Variants in PRCC observed in about 807,000 individuals in gnomAD.
PRCC encodes proline rich mitotic checkpoint control factor.
A neutral mutation model predicts 44.0 loss-of-function variants in PRCC; 10 were observed. The ratio of observed to expected loss-of-function variants is 0.23; its 90% confidence interval spans 0.14 to 0.39. The LOEUF is 0.39. Among genes scored for constraint, PRCC ranks in the 10% least tolerant of loss-of-function variants. The probability of loss-of-function intolerance (pLI) is 1.00; values close to 1 mark genes in which losing one functional copy is unlikely to be tolerated. For synonymous variants in PRCC, 278 were observed against 259.5 expected (o/e 1.07, Z -0.69); for missense variants, 573 against 624.7 (o/e 0.92, Z 0.88).
intron 1 of PRCC, among the ~76,000 whole-genome samples, chr1:156,781,300 A>C (rs2102760708): frequency 6.6e-6 from 1 of 152,294 alleles, no homozygotes; most frequent in South Asian, 2.1e-4. Context: ...GAAGAGATAA[A>C]TTCAAAAAGG....
At position 156,786,749 on chromosome 1, in the gene PRCC, C is replaced by T. The variant is rs1328635931; in HGVS notation, c.658C>T (p.Leu220=). ...DGSPDTKPSR[L]ASKTKTSSLA... is the part of the protein sequence containing the mutation. ...CTCCCCTGATACTAAGCCCTCCAGA[C>T]TGGCTTCTAAGACCAAGACTTCCTC... is the stretch of plus-strand genomic sequence containing the variant. The change falls in exon 3 of 7, where the codon CTG becomes TTG. Residue 220 remains leucine (L), a synonymous_variant. Coordinates refer to ENST00000271526, the MANE Select transcript of PRCC (RefSeq NM_005973.5). The T allele has an allele frequency of 1.2e-6, 2 of 1,614,240 alleles. No individual in the cohort carries two copies. Among genetic ancestry groups the T allele is most frequent in the Non-Finnish European group, 1.7e-6 (2 of 1,180,048 alleles).
intron 2 of PRCC, 141 bp from the exon 3 acceptor site, chr1:156,786,466 TG>T: frequency 1.2e-6 from 1 of 842,894 alleles, no homozygotes; most frequent in Non-Finnish European, 1.8e-6. Context: ...GTGGTCTGAG[TG>T]GACGGAGGTA....
chr1:156,793,749 T>G (rs1480407203), intron 4 of PRCC, among the ~76,000 whole-genome samples: 1 of 152,014 alleles, frequency 6.6e-6, no homozygotes, highest in Non-Finnish European at 1.5e-5. Flanking sequence ...GAGGTCTTGC[T>G]GTGTTTCCCA....
At chr1:156,794,595 C>G (rs940492310) in intron 4 of PRCC, 70 bp from the exon 5 acceptor site, 1 of 1,557,706 alleles carries the variant, frequency 6.4e-7, no homozygotes, top group African/African-American at 1.4e-5. Flanking sequence ...TCCATAAACT[C>G]TGGCTCTTTA....
intron 6 of PRCC, among the ~76,000 whole-genome samples, chr1:156,797,721 C>T (rs1235885584): frequency 6.6e-6 from 1 of 152,114 alleles, no homozygotes; most frequent in African/African-American, 2.4e-5. Flanking sequence ...CAAACATCCA[C>T]CTGATGAAGA....
Position 156,774,157 on chromosome 1 carries a change from C to CTTTTTTTTTTTTTTTTTT in PRCC, c.468+5937_468+5954dup, listed in dbSNP as rs76271348. ...GAGTTTCTTTCTTTTTTTGAGTCACCTTTTTTTTTTTTTTTTTTTTTTTTT... is the reference window on the plus strand; with the variant it reads ...GAGTTTCTTTCTTTTTTTGAGTCACCTTTTTTTTTTTTTTTTTTTTTTTTTTTTTTTTTTTTTTTTTTT... On this transcript the variant is annotated intron_variant, in intron 1 of 6. Coordinates refer to ENST00000271526, the MANE Select transcript of PRCC (RefSeq NM_005973.5). 3.0e-4 allele frequency among the ~76,000 whole-genome samples: 16 copies of CTTTTTTTTTTTTTTTTTT among 54,000 alleles called. 3 individuals are homozygous for CTTTTTTTTTTTTTTTTTT. The highest frequency in any genetic ancestry group is 4.2e-4 in the Non-Finnish European group (13 of 31,012). The allele number at this position is 54,000 out of a possible 152,430, so 35.4% of individuals were successfully genotyped here.
intron 1 of PRCC, among the ~76,000 whole-genome samples, chr1:156,781,744 A>G (rs1261443487): frequency 6.6e-6 from 1 of 152,186 alleles, no homozygotes; most frequent in East Asian, 1.9e-4. Context: ...TTGGAGAAGG[A>G]ATAGATTTCT....
At position 156,769,592 on chromosome 1, in the gene PRCC, A is replaced by T. The variant is rs577768883; in HGVS notation, c.468+1353A>T. Among the ~76,000 whole-genome samples, 9 of 151,226 alleles carry T rather than the reference A, an allele frequency of 6.0e-5. No individual in the cohort carries two copies. The South Asian group carries it at 8.3e-4, about 14-fold the overall frequency. On this transcript the variant is annotated intron_variant, in intron 1 of 6. Transcript: ENST00000271526. ...TTGAAACTTTCTTCCTTTTTTTTTT[A>T]AATTTTTTTTATTTTTATTTTTTTT... is the stretch of plus-strand genomic sequence containing the variant.
intron 1 of PRCC, among the ~76,000 whole-genome samples, chr1:156,773,840 G>A (rs1651719839): frequency 6.6e-6 from 1 of 152,188 alleles, no homozygotes; most frequent in Admixed American, 6.5e-5. Context: ...GCCAAAGGTG[G>A]CAACAACCCA....
intron 3 of PRCC, 152 bp from the exon 4 acceptor site, chr1:156,791,545 T>C: frequency 3.0e-6 from 2 of 656,024 alleles, no homozygotes; most frequent in Non-Finnish European, 5.2e-6. Flanking sequence ...CCTTGGGATC[T>C]ATGCCTTTAA....
At chr1:156,794,926 C>T in intron 5 of PRCC, 118 bp downstream of exon 5, 1 of 1,332,218 alleles carries the variant, frequency 7.5e-7, no homozygotes, top group Non-Finnish European at 1.0e-6. Flanking sequence ...TTAGCAAACA[C>T]ATTTTGCCCA....
At chr1:156,792,381 G>A (rs917088625) in intron 4 of PRCC, among the ~76,000 whole-genome samples, 3 of 152,008 alleles carry the variant, frequency 2.0e-5, no homozygotes, top group Non-Finnish European at 4.4e-5. Flanking sequence ...CTAAGAGCAC[G>A]TCCACTTTGA....
chr1:156,767,569 A>G lies in PRCC; in HGVS notation c.-203A>G. The G allele has an allele frequency of 5.0e-6, 3 of 595,136 alleles. 1 individual carries two copies. The highest frequency in any genetic ancestry group is 4.1e-5 in the South Asian group (2 of 48,250). The allele number at this position is 595,136 out of a possible 1,614,324, so 36.9% of individuals were successfully genotyped here. A position where few individuals can be genotyped will look rare whatever the true frequency, so the allele number is the denominator to read the frequency against. On this transcript the variant is annotated 5_prime_UTR_variant, in exon 1 of 7. Coordinates refer to ENST00000271526, the MANE Select transcript of PRCC (RefSeq NM_005973.5). ...CTGTGTGTAGTTGCCCGGGACTAGGAGCTTAAGTGAAGAGGTACGCCTTGT... is the reference window on the plus strand; with the variant it reads ...CTGTGTGTAGTTGCCCGGGACTAGGGGCTTAAGTGAAGAGGTACGCCTTGT...
intron 3 of PRCC, among the ~76,000 whole-genome samples, chr1:156,788,335 C>CT (rs1280242515): frequency 2.8e-4 from 42 of 152,068 alleles, no homozygotes; most frequent in South Asian, 4.2e-4. Flanking sequence ...TGATTTTGTT[C>CT]TTTTTTTTAT....
At chr1:156,773,787 A>G (rs766938857) in intron 1 of PRCC, among the ~76,000 whole-genome samples, 81 of 152,238 alleles carry the variant, frequency 5.3e-4, no homozygotes, top group Non-Finnish European at 1.1e-3. Context: ...AGATTCAAAC[A>G]GATACTTGTA....
chr1:156,794,540 G>A, intron 4 of PRCC, 125 bp from the exon 5 acceptor site: 4 of 1,157,746 alleles, frequency 3.5e-6, no homozygotes, highest in Non-Finnish European at 4.9e-6. Context: ...GTGAAAGGAC[G>A]TAGAGAACTG....
chr1:156,797,102 T>C, intron 5 of PRCC, 174 bp from the exon 6 acceptor site: 1 of 643,478 alleles, frequency 1.6e-6, no homozygotes. Flanking sequence ...TATAATGGCT[T>C]TAATAAAAAT....
intron 1 of PRCC, among the ~76,000 whole-genome samples, chr1:156,781,096 C>T (rs1376654123): frequency 6.6e-6 from 1 of 152,070 alleles, no homozygotes; most frequent in Non-Finnish European, 1.5e-5. Flanking sequence ...TCTTTGAGGG[C>T]AGGTACTTTT....
At chr1:156,771,159 A>T (rs368656445) in intron 1 of PRCC, among the ~76,000 whole-genome samples, 21 of 152,214 alleles carry the variant, frequency 1.4e-4, no homozygotes, top group African/African-American at 4.8e-4. Flanking sequence ...AATGTATAAA[A>T]GCTTGGAGGA....
Sources: allele counts gnomAD v4.1 joint callset (sites outside exome capture counted in the v4.1 genomes callset), GRCh38; gene constraint gnomAD v4.1.1; transcripts MANE v1.5; gene names NCBI Gene and HGNC (gene_info 2026-07-23, HGNC 2026-07-21).